Variants in TMEM92 observed in about 807,000 individuals in gnomAD.
The protein encoded by TMEM92 is transmembrane protein 92.
TMEM92 carries 15 observed loss-of-function variants against 14.6 expected under a neutral mutation model. That is an observed-to-expected ratio of 1.03 (90% CI 0.69 to 1.58). The LOEUF is 1.58. Among genes scored for constraint, TMEM92 ranks in the 40% most tolerant of loss-of-function variants. TMEM92 has a pLI of 0.00. For missense variants in TMEM92, 174 were observed against 202.4 expected (o/e 0.86, Z 0.85); for synonymous variants, 85 against 83.3 (o/e 1.02, Z -0.11).
At chr17:50,273,445 A>T (rs1261885335), upstream of TMEM92, among the ~76,000 whole-genome samples, 1 of 152,196 alleles carries the variant, frequency 6.6e-6, no homozygotes, top group Non-Finnish European at 1.5e-5. Flanking sequence ...AGGAATCTGG[A>T]TGGGCCTGCT....
upstream of TMEM92, among the ~76,000 whole-genome samples, chr17:50,273,907 T>C (rs1402502207): frequency 6.6e-6 from 1 of 151,892 alleles, no homozygotes; most frequent in African/African-American, 2.4e-5. Flanking sequence ...AGTGGAGGAG[T>C]TGGGAGTTAG....
Position 50,280,137 on chromosome 17 carries a change from G to C in TMEM92, c.*829G>C, listed in dbSNP as rs1172192568. 1.3e-5 allele frequency: 2 copies of C among 152,242 alleles called. No individual in the cohort carries two copies. Among genetic ancestry groups the C allele is most frequent in the African/African-American group, 4.8e-5 (2 of 41,400 alleles). The allele number at this position is 152,242 out of a possible 1,614,324, so 9.4% of individuals were successfully genotyped here. A position where few individuals can be genotyped will look rare whatever the true frequency, so the allele number is the denominator to read the frequency against. On this transcript the variant is annotated 3_prime_UTR_variant, in exon 5 of 5. Coordinates refer to ENST00000507382, the MANE Select transcript of TMEM92 (RefSeq NM_153229.3). ...TCTGGCTGTCTTACCATGAGAAGTT[G>C]GTAAGTTGGCTGTGAGGGGGTTGGA...
Position 50,279,548 on chromosome 17 carries a change from G to C in TMEM92, c.*240G>C. 2 of 478,098 alleles carry C rather than the reference G, an allele frequency of 4.2e-6. No individual in the cohort carries two copies. The highest frequency in any genetic ancestry group is 7.5e-6 in the Non-Finnish European group (2 of 266,450). 29.6% of individuals were successfully genotyped at this position (478,098 alleles called of 1,614,324 possible). ...CCCCCAGCCCAAGAAAGAGGCTGCC[G>C]GAAAGAAAATGCTGACCATTGGAGG... On this transcript the variant is annotated 3_prime_UTR_variant, in exon 5 of 5. Coordinates refer to ENST00000507382, the MANE Select transcript of TMEM92 (RefSeq NM_153229.3).
intron 4 of TMEM92, 40 bp from the exon 5 acceptor site, chr17:50,279,155 G>A (rs767594771): frequency 3.8e-6 from 6 of 1,598,326 alleles, no homozygotes; most frequent in Admixed American, 1.7e-5. Context: ...GGTGGCCAGG[G>A]CCAGGGCCCA....
chr17:50,272,026 T>C (rs1228533515), upstream of TMEM92, among the ~76,000 whole-genome samples: 7 of 152,030 alleles, frequency 4.6e-5, no homozygotes, highest in Non-Finnish European at 2.9e-5. Context: ...TCAAAAAATA[T>C]ATATATATTG....
upstream of TMEM92, among the ~76,000 whole-genome samples, chr17:50,273,442 T>C (rs1024293040): frequency 6.6e-6 from 1 of 152,202 alleles, no homozygotes; most frequent in Non-Finnish European, 1.5e-5. Flanking sequence ...TCCAGGAATC[T>C]GGATGGGCCT....
chr17:50,271,834 T>G (rs566340097), upstream of TMEM92, among the ~76,000 whole-genome samples: 3 of 151,812 alleles, frequency 2.0e-5, no homozygotes, highest in East Asian at 5.9e-4. Flanking sequence ...AGGCCAGGAG[T>G]TGGAGACCAG....
In TMEM92 at chr17:50,277,930, C is replaced by T. The variant is rs947516395; in HGVS notation, c.95+190C>T. Reference sequence around the variant, plus strand: ...CACCCTCTACCTCCACCAACAAACTCGGGGACTTCCACACTTGCAGGCAGG... The same window carrying T: ...CACCCTCTACCTCCACCAACAAACTTGGGGACTTCCACACTTGCAGGCAGG... On this transcript the variant is annotated intron_variant, in intron 2 of 4. Coordinates refer to ENST00000507382, the MANE Select transcript of TMEM92 (RefSeq NM_153229.3). Among the ~76,000 whole-genome samples, 11 of 152,142 alleles carry T rather than the reference C, an allele frequency of 7.2e-5. 1 individual carries two copies. The highest frequency in any genetic ancestry group is 5.2e-4 in the Admixed American group (8 of 15,284).
intron 2 of TMEM92, among the ~76,000 whole-genome samples, chr17:50,278,226 G>A (rs752555240): frequency 6.6e-6 from 1 of 152,038 alleles, no homozygotes; most frequent in East Asian, 1.9e-4. Flanking sequence ...CTCTTTCCCC[G>A]CACCTCCTTA....
In TMEM92 at chr17:50,279,355, G is replaced by A; in HGVS notation, c.*47G>A. The A allele has an allele frequency of 6.7e-7, 1 of 1,500,170 alleles. No homozygotes were observed. The allele number at this position is 1,500,170 out of a possible 1,614,324, so 92.9% of individuals were successfully genotyped here. ...TGCCATCAGCAACCTCCTCCCCAGT[G>A]CCTCCTGGATCAAGCTAGAGACTGC... On this transcript the variant is annotated 3_prime_UTR_variant, in exon 5 of 5. Transcript: ENST00000507382.
upstream of TMEM92, among the ~76,000 whole-genome samples, chr17:50,272,009 T>C (rs915746920): frequency 1.3e-5 from 2 of 151,932 alleles, no homozygotes; most frequent in Non-Finnish European, 2.9e-5. Flanking sequence ...CATTCCAGTC[T>C]TGGTTCTCAA....
upstream of TMEM92, among the ~76,000 whole-genome samples, chr17:50,274,263 C>G (rs960750282): frequency 1.3e-5 from 2 of 152,178 alleles, no homozygotes; most frequent in Admixed American, 6.5e-5. Flanking sequence ...CCACCGCGCC[C>G]GGGACCGCTT....
upstream of TMEM92, among the ~76,000 whole-genome samples, chr17:50,273,286 T>G (rs1204904779): frequency 6.6e-6 from 1 of 151,918 alleles, no homozygotes; most frequent in African/African-American, 2.4e-5. Flanking sequence ...GCCGCGCCCC[T>G]CCCGGCTCCC....
In TMEM92 at chr17:50,279,389, C is replaced by T. The variant is rs1159628615; in HGVS notation, c.*81C>T. 2.6e-5 allele frequency: 29 copies of T among 1,095,408 alleles called. No individual in the cohort carries two copies. The highest frequency in any genetic ancestry group is 3.6e-5 in the Non-Finnish European group (26 of 721,986). 67.9% of individuals were successfully genotyped at this position (1,095,408 alleles called of 1,614,324 possible). On this transcript the variant is annotated 3_prime_UTR_variant, in exon 5 of 5. Transcript: ENST00000507382. ...ATCAAGCTAGAGACTGCTGGCACCCCAGGAATGTCCCTGCCCATCCTGCCG... is the reference window on the plus strand; with the variant it reads ...ATCAAGCTAGAGACTGCTGGCACCCTAGGAATGTCCCTGCCCATCCTGCCG...
At position 50,277,736 on chromosome 17, in the gene TMEM92, A is replaced by T; in HGVS notation, c.91A>T (p.Ile31Phe). ...ACAGATTGCAGCCAAATGTGGTCTC[A>T]TCCTGTAAGTCTAGAGGCCATAACT... ...PQKIAAKCGLILACPKGFKCC... is the reference protein window; with the variant it reads ...PQKIAAKCGLFLACPKGFKCC... Residue 31 changes from isoleucine (I) to phenylalanine (F), a missense_variant, in exon 2 of 5, where the codon ATC becomes TTC. By Grantham distance (21) the Ile-to-Phe change is conservative. Coordinates refer to ENST00000507382, the MANE Select transcript of TMEM92 (RefSeq NM_153229.3). 1 of 1,613,934 alleles carries T rather than the reference A, an allele frequency of 6.2e-7. No individual in the cohort carries two copies. The highest frequency in any genetic ancestry group is 8.5e-7 in the Non-Finnish European group (1 of 1,179,920).
chr17:50,279,083 C>A, intron 4 of TMEM92, 87 bp downstream of exon 4: 2 of 1,414,312 alleles, frequency 1.4e-6, no homozygotes, highest in Non-Finnish European at 2.0e-6. Flanking sequence ...GGAGGGCACT[C>A]TGCACCCAGC....
At chr17:50,276,844 A>T (rs77500254) in intron 1 of TMEM92, among the ~76,000 whole-genome samples, 1 of 152,242 alleles carries the variant, frequency 6.6e-6, no homozygotes, top group African/African-American at 2.4e-5. Flanking sequence ...AAGTAAATAT[A>T]TAGTATGTTA....
At position 50,275,805 on chromosome 17, in the gene TMEM92, T is replaced by C. The variant is rs184291704; in HGVS notation, c.69+1235T>C. Among the ~76,000 whole-genome samples the C allele has an allele frequency of 6.6e-5, 10 of 152,228 alleles. No homozygotes were observed. In the East Asian group the frequency reaches 9.7e-4, roughly 15 times the overall value. ...TTGAGTGCCTGGATGGACCCCTCGATTTGTCTCCAAGTTCCCTCTCTGTAT... is the reference window on the plus strand; with the variant it reads ...TTGAGTGCCTGGATGGACCCCTCGACTTGTCTCCAAGTTCCCTCTCTGTAT... On this transcript the variant is annotated intron_variant, in intron 1 of 4. Transcript: ENST00000507382.
chr17:50,274,629 C>A (rs536631300), intron 1 of TMEM92, 59 bp downstream of exon 1: 4 of 1,478,948 alleles, frequency 2.7e-6, no homozygotes, highest in Non-Finnish European at 9.3e-7. Context: ...GGTCAGGAGC[C>A]TGCTTCTGGA....
Sources: allele counts gnomAD v4.1 joint callset (sites outside exome capture counted in the v4.1 genomes callset), GRCh38; gene constraint gnomAD v4.1.1; transcripts MANE v1.5; gene names NCBI Gene and HGNC (gene_info 2026-07-23, HGNC 2026-07-21).